ADAT1: variants seen among roughly 807,000 people sequenced by gnomAD.
ADAT1 encodes the protein tRNA-specific adenosine deaminase 1.
Under a neutral mutation model 58.6 loss-of-function variants are expected in ADAT1, and 58 were observed. That is an observed-to-expected ratio of 0.99 (90% CI 0.80 to 1.23). The LOEUF (loss-of-function observed/expected upper bound fraction) is 1.23, where lower values mean the gene tolerates loss of function less well. Among genes scored for constraint, ADAT1 ranks in the 50% most tolerant of loss-of-function variants. ADAT1 has a pLI of 0.00. For synonymous variants in ADAT1, 254 were observed against 220.8 expected, an observed-to-expected ratio of 1.15 and a Z score of -1.33; for missense variants, 741 against 608.6, an observed-to-expected ratio of 1.22 and a Z score of -2.29.
In ADAT1 at chr16:75,604,456, A is replaced by AAAT. The variant is rs1555508674; in HGVS notation, c.1290-1286_1290-1285insATT. 2.3e-3 allele frequency among the ~76,000 whole-genome samples: 111 copies of AAAT among 48,772 alleles called. 10 individuals are homozygous for AAAT. The highest frequency in any genetic ancestry group is 6.2e-3 in the South Asian group (6 of 962). 32.0% of individuals were successfully genotyped at this position (48,772 alleles called of 152,430 possible). A position where few individuals can be genotyped will look rare whatever the true frequency, so the allele number is the denominator to read the frequency against. ...TCAAAAAAAAAAAAAAAAAAAAAAAAATATATATATATATATATACACACA... is the reference window on the plus strand; with the variant it reads ...TCAAAAAAAAAAAAAAAAAAAAAAAAAATATATATATATATATATATACACACA... On this transcript the variant is annotated intron_variant, in intron 8 of 9. Coordinates refer to ENST00000564657, the MANE Select transcript of ADAT1 (RefSeq NM_001324445.2).
Position 75,597,558 on chromosome 16 carries a change from C to T in ADAT1, c.*2658G>A, listed in dbSNP as rs920640684. On this transcript the variant is annotated 3_prime_UTR_variant, in exon 10 of 10. Coordinates refer to ENST00000564657, the MANE Select transcript of ADAT1 (RefSeq NM_001324445.2). ...GGATAGGGGGATAGTTTCGGGATGA[C>T]TGAAGTGAATTACATTTACTGTGCA... Among the ~76,000 whole-genome samples, 7 of 152,142 alleles carry T rather than the reference C, an allele frequency of 4.6e-5. No individual in the cohort carries two copies. The highest frequency in any genetic ancestry group is 1.3e-4 in the Admixed American group (2 of 15,278).
chr16:75,617,030 C>G, intron 5 of ADAT1, 112 bp downstream of exon 5: 1 of 1,347,756 alleles, frequency 7.4e-7, no homozygotes, highest in Non-Finnish European at 1.0e-6. Flanking sequence ...CTTGTGACTA[C>G]CTGTGGCTAC....
intron 8 of ADAT1, among the ~76,000 whole-genome samples, chr16:75,604,021 C>A (rs755133883): frequency 6.6e-5 from 10 of 152,274 alleles, no homozygotes; most frequent in Admixed American, 2.6e-4. Context: ...AGACACTGCT[C>A]TCCCAGGGCC....
At chr16:75,604,474 TACACAC>T (rs373687206) in intron 8 of ADAT1, among the ~76,000 whole-genome samples, 2,729 of 53,742 alleles carry the variant, frequency 0.051, 108 homozygotes, top group East Asian at 0.14. Context: ...TATATATATA[TACACAC>T]ACACACACAC....
chr16:75,611,851 A>G (rs1286645843), intron 6 of ADAT1, among the ~76,000 whole-genome samples: 2 of 151,034 alleles, frequency 1.3e-5, no homozygotes, highest in African/African-American at 4.9e-5. Flanking sequence ...TGAGGTCAGG[A>G]GTTTGAGACC....
chr16:75,602,985 T>C, intron 9 of ADAT1, 100 bp downstream of exon 9: 2 of 1,041,016 alleles, frequency 1.9e-6, no homozygotes, highest in Non-Finnish European at 2.9e-6. Flanking sequence ...GCCACTGGCT[T>C]GCTGAACCAC....
chr16:75,620,653 G>A lies in ADAT1; in HGVS notation c.147C>T (p.Asp49=), dbSNP rs201306376. 293 of 1,613,296 alleles carry A rather than the reference G, an allele frequency of 1.8e-4. 1 individual carries two copies. Among genetic ancestry groups the A allele is most frequent in the Non-Finnish European group, 2.3e-4 (275 of 1,180,038 alleles). The part of the protein sequence containing the change: ...KIQSPADKAC[D]TPDKPVQVTK... ...CACCTTGCACCGGCTTATCAGGGGT[G>A]TCGCAGGCCTTGTCAGCTGGAGATT... Residue 49 remains aspartate (D), a synonymous_variant, in exon 2 of 10, where the codon GAC becomes GAT. Coordinates refer to ENST00000564657, the MANE Select transcript of ADAT1 (RefSeq NM_001324445.2).
At chr16:75,614,990 C>T (rs1001739026) in intron 5 of ADAT1, among the ~76,000 whole-genome samples, 1 of 151,936 alleles carries the variant, frequency 6.6e-6, no homozygotes, top group African/African-American at 2.4e-5. Context: ...TTTGGGAGGC[C>T]GAGGTGGGCG....
At chr16:75,611,726 C>T (rs1361495280) in intron 6 of ADAT1, among the ~76,000 whole-genome samples, 2 of 151,226 alleles carry the variant, frequency 1.3e-5, no homozygotes, top group African/African-American at 4.9e-5. Flanking sequence ...ACTTAATTTC[C>T]TATTACTGGG....
intron 8 of ADAT1, among the ~76,000 whole-genome samples, chr16:75,607,401 C>T (rs2081399347): frequency 6.6e-6 from 1 of 151,332 alleles, no homozygotes; most frequent in South Asian, 2.1e-4. Flanking sequence ...ACTAGGAAGG[C>T]TGAGGCAGGA....
intron 8 of ADAT1, among the ~76,000 whole-genome samples, chr16:75,604,957 T>A (rs1251854401): frequency 6.6e-6 from 1 of 152,172 alleles, no homozygotes; most frequent in Non-Finnish European, 1.5e-5. Flanking sequence ...CCTCTGCAAC[T>A]AGCAAGACCA....
In ADAT1 at chr16:75,597,358, A is replaced by C. The variant is rs189707781; in HGVS notation, c.*2858T>G. On this transcript the variant is annotated 3_prime_UTR_variant, in exon 10 of 10. Transcript: ENST00000564657. ...AGGGAGAAACTGAAGTGATGCAGCC[A>C]CAAGCCAAGGACTGCCAGGAGCCAT... 1 of 451,586 alleles carries C rather than the reference A, an allele frequency of 2.2e-6. No homozygotes were observed. 28.0% of individuals were successfully genotyped at this position (451,586 alleles called of 1,614,324 possible). A position where few individuals can be genotyped will look rare whatever the true frequency, so the allele number is the denominator to read the frequency against.
chr16:75,618,964 A>T (rs1261336054), intron 3 of ADAT1, among the ~76,000 whole-genome samples: 1 of 152,172 alleles, frequency 6.6e-6, no homozygotes, highest in Non-Finnish European at 1.5e-5. Flanking sequence ...GACAACTAAA[A>T]ATGTCTCTAG....
intron 8 of ADAT1, among the ~76,000 whole-genome samples, chr16:75,607,434 G>A (rs2081400395): frequency 1.3e-5 from 2 of 151,628 alleles, no homozygotes; most frequent in Admixed American, 6.6e-5. Context: ...CCCCAGGGGC[G>A]GAGGTTGCAG....
At chr16:75,608,054 A>T (rs1452749960) in intron 8 of ADAT1, among the ~76,000 whole-genome samples, 170 bp downstream of exon 8, 1 of 152,222 alleles carries the variant, frequency 6.6e-6, no homozygotes, top group African/African-American at 2.4e-5. Context: ...GGAGACAGGA[A>T]GTAAATTAAG....
chr16:75,601,494 C>T (rs1356466305), intron 9 of ADAT1, among the ~76,000 whole-genome samples: 2 of 152,240 alleles, frequency 1.3e-5, no homozygotes, highest in African/African-American at 4.8e-5. Flanking sequence ...CGGTGGCTCA[C>T]GCCTGTAATC....
chr16:75,608,746 G>C (rs921628339), intron 7 of ADAT1, 97 bp downstream of exon 7: 1 of 1,464,814 alleles, frequency 6.8e-7, no homozygotes, highest in African/African-American at 1.4e-5. Context: ...CTAGAGTGGT[G>C]AACTACCTTC....
chr16:75,600,851 A>T lies in ADAT1; in HGVS notation c.1377-503T>A, dbSNP rs571305218. On this transcript the variant is annotated intron_variant, in intron 9 of 9. Coordinates refer to ENST00000564657, the MANE Select transcript of ADAT1 (RefSeq NM_001324445.2). ...CTTGAATTTCTTGTATCCCAAATAAAATATTAAATTTAGAGATTTATCTTT... is the reference window on the plus strand; with the variant it reads ...CTTGAATTTCTTGTATCCCAAATAATATATTAAATTTAGAGATTTATCTTT... Among the ~76,000 whole-genome samples, 24 of 152,340 alleles carry T rather than the reference A, an allele frequency of 1.6e-4. No homozygotes were observed. The South Asian group carries it at 4.8e-3, about 30-fold the overall frequency.
Position 75,602,650 on chromosome 16 carries a change from A to C in ADAT1, c.1376+435T>G, listed in dbSNP as rs374898346. On this transcript the variant is annotated intron_variant, in intron 9 of 9. Transcript: ENST00000564657. ...GTGGTCACTGTCAGAATGTCACTGC[A>C]CCCATCTACCTGTTCCCAAGAGTGG... Among the ~76,000 whole-genome samples the C allele has an allele frequency of 3.3e-5, 5 of 152,256 alleles. No homozygotes were observed. The East Asian group carries it at 7.7e-4, about 23-fold the overall frequency.
Sources: allele counts gnomAD v4.1 joint callset (sites outside exome capture counted in the v4.1 genomes callset), GRCh38; gene constraint gnomAD v4.1.1; transcripts MANE v1.5; gene names NCBI Gene and HGNC (gene_info 2026-07-23, HGNC 2026-07-21).